Variants in TAFA1 observed in about 807,000 individuals in gnomAD.
TAFA1 encodes the protein TAFA chemokine like family member 1.
In TAFA1, 4 loss-of-function variants were observed where a neutral mutation model predicts 18.5. The ratio of observed to expected loss-of-function variants is 0.22; its 90% CI spans 0.11 to 0.49. The LOEUF is 0.49. Among genes scored for constraint, TAFA1 ranks in the 20% least tolerant of loss-of-function variants. The probability of loss-of-function intolerance (pLI) is 0.98; values close to 1 mark genes in which losing one functional copy is unlikely to be tolerated. For missense variants in TAFA1, 147 were observed against 169.0 expected (o/e 0.87, Z 0.72); for synonymous variants, 56 against 55.2 (o/e 1.01, Z -0.06).
intron 3 of TAFA1, among the ~76,000 whole-genome samples, chr3:68,463,151 G>A (rs183281462): frequency 6.6e-6 from 1 of 152,234 alleles, no homozygotes; most frequent in East Asian, 1.9e-4. Context: ...CACATGGATG[G>A]TGGGGGCATA....
intron 2 of TAFA1, among the ~76,000 whole-genome samples, chr3:68,124,442 A>G (rs984730700): frequency 6.6e-6 from 1 of 152,186 alleles, no homozygotes; most frequent in Admixed American, 6.5e-5. Context: ...CTGAGACTGT[A>G]TATAAAATTG....
At chr3:68,518,241 A>T (rs981390653) in intron 3 of TAFA1, among the ~76,000 whole-genome samples, 7 of 152,162 alleles carry the variant, frequency 4.6e-5, no homozygotes, top group African/African-American at 1.7e-4. Context: ...ATGAGATAAT[A>T]GTAGTGCCCA....
intron 2 of TAFA1, among the ~76,000 whole-genome samples, chr3:68,277,777 G>T (rs188023518): frequency 6.6e-6 from 1 of 152,058 alleles, no homozygotes; most frequent in African/African-American, 2.4e-5. Context: ...AGAGAGATAC[G>T]CACAAAAGCA....
chr3:68,034,842 A>G (rs1450615711), intron 2 of TAFA1, among the ~76,000 whole-genome samples: 1 of 152,180 alleles, frequency 6.6e-6, no homozygotes, highest in Non-Finnish European at 1.5e-5. Context: ...ACTATTTTAG[A>G]AAGGGGAAAT....
chr3:68,497,186 A>G (rs2106696045), intron 3 of TAFA1, among the ~76,000 whole-genome samples: 1 of 152,228 alleles, frequency 6.6e-6, no homozygotes, highest in Non-Finnish European at 1.5e-5. Context: ...TGCTTTCAAG[A>G]TATGTTCTAG....
At chr3:68,278,353 A>G (rs1195831934) in intron 2 of TAFA1, among the ~76,000 whole-genome samples, 2 of 152,180 alleles carry the variant, frequency 1.3e-5, no homozygotes, top group Admixed American at 6.6e-5. Flanking sequence ...TAAGAATCCC[A>G]CTACCCGTCA....
chr3:68,154,748 GAA>G (rs753900533), intron 2 of TAFA1, among the ~76,000 whole-genome samples: 1 of 152,006 alleles, frequency 6.6e-6, no homozygotes, highest in Non-Finnish European at 1.5e-5. Flanking sequence ...CCCTCAGCTT[GAA>G]CTTTTGTCAT....
At chr3:68,381,059 T>A (rs1371039638) in intron 2 of TAFA1, among the ~76,000 whole-genome samples, 1 of 88,494 alleles carries the variant, frequency 1.1e-5, no homozygotes, top group African/African-American at 4.3e-5. Flanking sequence ...TTGTCAGGTT[T>A]GTCAAAGACC....
chr3:68,286,019 T>C (rs2067995667), intron 2 of TAFA1, among the ~76,000 whole-genome samples: 1 of 152,048 alleles, frequency 6.6e-6, no homozygotes, highest in Non-Finnish European at 1.5e-5. Context: ...GAGACCATCC[T>C]GGCCAACATG....
At chr3:68,316,278 T>A (rs1575771577) in intron 2 of TAFA1, among the ~76,000 whole-genome samples, 1 of 152,184 alleles carries the variant, frequency 6.6e-6, no homozygotes, top group African/African-American at 2.4e-5. Context: ...TTCAGTCCAC[T>A]GGGGAGGACT....
At position 68,183,279 on chromosome 3, in the gene TAFA1, TA is replaced by T. The variant is rs545050376; in HGVS notation, c.118+176537del. Among the ~76,000 whole-genome samples the T allele has an allele frequency of 4.6e-5, 7 of 152,248 alleles. No individual in the cohort carries two copies. The South Asian group carries it at 1.5e-3, about 32-fold the overall frequency. On this transcript the variant is annotated intron_variant, in intron 2 of 4. Transcript: ENST00000478136. The stretch of plus-strand genomic sequence containing the variant: ...TTAATGATTCTTAATTGGACTTCAT[TA>T]AGTGATAATATAAGATCTCGAGCTC...
At chr3:68,205,265 A>G (rs905398072) in intron 2 of TAFA1, among the ~76,000 whole-genome samples, 3 of 151,912 alleles carry the variant, frequency 2.0e-5, no homozygotes, top group Non-Finnish European at 4.4e-5. Context: ...ATTGGAAATC[A>G]TTACAAGCAC....
chr3:68,003,406 G>C (rs577589920), upstream of TAFA1, among the ~76,000 whole-genome samples: 15 of 152,292 alleles, frequency 9.8e-5, no homozygotes, highest in South Asian at 1.5e-3. Flanking sequence ...TAAAAGATTA[G>C]ACAGTATCAT....
intron 2 of TAFA1, among the ~76,000 whole-genome samples, chr3:68,044,477 T>C (rs1271841199): frequency 6.6e-6 from 1 of 152,188 alleles, no homozygotes; most frequent in Admixed American, 6.5e-5. Context: ...TGGATAATCC[T>C]GCCTCCAGTC....
chr3:68,463,793 C>G (rs1256456598), intron 3 of TAFA1, among the ~76,000 whole-genome samples: 1 of 151,948 alleles, frequency 6.6e-6, no homozygotes, highest in Admixed American at 6.6e-5. Context: ...CAGTTTTATT[C>G]TCCGTGTTCC....
intron 2 of TAFA1, among the ~76,000 whole-genome samples, chr3:68,080,196 C>T: frequency 6.6e-6 from 1 of 152,072 alleles, no homozygotes; most frequent in Non-Finnish European, 1.5e-5. Flanking sequence ...TTATTTTGAG[C>T]CTATGTGTGT....
chr3:68,465,288 C>A (rs559535152), intron 3 of TAFA1, among the ~76,000 whole-genome samples: 2 of 152,216 alleles, frequency 1.3e-5, no homozygotes, highest in African/African-American at 2.4e-5. Flanking sequence ...ATATAGTGAC[C>A]AAACTCAACA....
intron 2 of TAFA1, among the ~76,000 whole-genome samples, chr3:68,072,729 T>G (rs2106752382): frequency 6.6e-6 from 1 of 152,010 alleles, no homozygotes; most frequent in East Asian, 1.9e-4. Context: ...GTGAGTTCAG[T>G]TTTGGGCTGT....
intron 2 of TAFA1, among the ~76,000 whole-genome samples, chr3:68,302,849 T>A (rs1200826113): frequency 6.6e-6 from 1 of 152,182 alleles, no homozygotes; most frequent in African/African-American, 2.4e-5. Flanking sequence ...ATGGGGCTAA[T>A]TATAAAATAA....
Sources: allele counts gnomAD v4.1 joint callset (sites outside exome capture counted in the v4.1 genomes callset), GRCh38; gene constraint gnomAD v4.1.1; transcripts MANE v1.5; gene names NCBI Gene and HGNC (gene_info 2026-07-23, HGNC 2026-07-21).